Variants in NMU observed in about 807,000 individuals in gnomAD.
NMU encodes neuromedin U, also known as neuromedin-U.
A neutral mutation model predicts 35.4 loss-of-function variants in NMU; 29 were observed. The observed-to-expected ratio is 0.82, with a 90% CI of 0.61 to 1.12. The LOEUF is 1.12. Among genes scored for constraint, NMU ranks in the 50% most tolerant of loss-of-function variants. The pLI is 0.00. For synonymous variants in NMU, 78 were observed against 81.3 expected (o/e 0.96, Z 0.22); for missense variants, 199 against 206.2 (o/e 0.97, Z 0.21).
intron 1 of NMU, among the ~76,000 whole-genome samples, chr4:55,633,666 T>C (rs954873483): frequency 2.6e-5 from 4 of 152,254 alleles, no homozygotes; most frequent in African/African-American, 9.6e-5. Flanking sequence ...AAGTACATTA[T>C]GTATAAGAAA....
chr4:55,636,034 G>A lies in NMU; in HGVS notation c.112+47C>T. 1 of 1,532,932 alleles carries A rather than the reference G, an allele frequency of 6.5e-7. No individual in the cohort carries two copies. Among genetic ancestry groups the A allele is most frequent in the South Asian group, 1.2e-5 (1 of 83,936 alleles). The allele number at this position is 1,532,932 out of a possible 1,614,324, so 95.0% of individuals were successfully genotyped here. A position where few individuals can be genotyped will look rare whatever the true frequency, so the allele number is the denominator to read the frequency against. ...GAGGAGAGCGGTGAGTGGAGCCAGA[G>A]AGAGGCGCGCATGGCGTGGAAGCGG... On this transcript the variant is annotated intron_variant, in intron 1 of 9. Transcript: ENST00000264218. This position sits in a 1 kb window ranked among gnomAD's most constrained non-coding sequence, Gnocchi z 4.0.
chr4:55,631,865 CAT>C (rs35052276), intron 1 of NMU, among the ~76,000 whole-genome samples: 69,109 of 151,938 alleles, frequency 0.45, 15,862 homozygotes, highest in South Asian at 0.49. Context: ...CATGCACACA[CAT>C]GTTTATAGCA....
intron 1 of NMU, among the ~76,000 whole-genome samples, chr4:55,631,655 CA>C (rs1252911310): frequency 6.6e-6 from 1 of 151,984 alleles, no homozygotes; most frequent in African/African-American, 2.4e-5. Flanking sequence ...ATTAAAAAGT[CA>C]AAAAACAATA....
chr4:55,635,367 T>A (rs1488937), intron 1 of NMU, among the ~76,000 whole-genome samples: 62,189 of 152,098 alleles, frequency 0.41, 13,215 homozygotes, highest in African/African-American at 0.53. Context: ...AAGCTCAGCA[T>A]GTCCCTATTG....
chr4:55,597,389 C>CA, intron 9 of NMU, among the ~76,000 whole-genome samples: 1 of 148,576 alleles, frequency 6.7e-6, no homozygotes, highest in Non-Finnish European at 1.5e-5. Context: ...GCATAGTTTC[C>CA]TTTTTTTTTG....
intron 7 of NMU, among the ~76,000 whole-genome samples, chr4:55,603,457 T>C (rs1213649655): frequency 6.6e-6 from 1 of 152,090 alleles, no homozygotes; most frequent in Non-Finnish European, 1.5e-5. Flanking sequence ...CTCTTACTAA[T>C]ACGATCTGGG....
At chr4:55,619,597 C>A (rs1054068206) in intron 2 of NMU, among the ~76,000 whole-genome samples, 1 of 132,910 alleles carries the variant, frequency 7.5e-6, no homozygotes, top group Non-Finnish European at 1.6e-5. Flanking sequence ...GAGGGGCGCC[C>A]GCCATTGCCC....
At chr4:55,631,168 A>G (rs1560527470) in intron 1 of NMU, among the ~76,000 whole-genome samples, 2 of 152,182 alleles carry the variant, frequency 1.3e-5, no homozygotes, top group Admixed American at 6.5e-5. Context: ...CACCTTAAAA[A>G]TCAACTCAAG....
intron 2 of NMU, among the ~76,000 whole-genome samples, chr4:55,628,059 C>A (rs549711750): frequency 4.4e-4 from 67 of 152,280 alleles, no homozygotes; most frequent in African/African-American, 1.6e-3. Flanking sequence ...TCCTTCAGTG[C>A]TTATCATATT....
At chr4:55,609,022 G>T in intron 4 of NMU, 98 bp downstream of exon 4, 1 of 960,462 alleles carries the variant, frequency 1.0e-6, no homozygotes. Context: ...AACCTGTCTT[G>T]GCATGCTTCC....
intron 7 of NMU, among the ~76,000 whole-genome samples, chr4:55,601,726 C>A (rs2110182951): frequency 6.6e-6 from 1 of 152,188 alleles, no homozygotes; most frequent in African/African-American, 2.4e-5. Context: ...GTGGCTCATG[C>A]CTGTAATCTG....
intron 2 of NMU, among the ~76,000 whole-genome samples, chr4:55,618,198 ATTAT>A (rs1734183163): frequency 6.6e-6 from 1 of 152,086 alleles, no homozygotes. Context: ...TGTAATTATT[ATTAT>A]TTATTTATTT....
intron 2 of NMU, among the ~76,000 whole-genome samples, chr4:55,616,796 A>G (rs1481396753): frequency 1.3e-5 from 2 of 152,232 alleles, no homozygotes; most frequent in Non-Finnish European, 2.9e-5. Context: ...CTAAATTAAC[A>G]TAATAACAGC....
At chr4:55,605,923 G>A (rs929278039) in intron 6 of NMU, among the ~76,000 whole-genome samples, 3 of 152,188 alleles carry the variant, frequency 2.0e-5, no homozygotes, top group Non-Finnish European at 4.4e-5. Context: ...AAGGTGTCAA[G>A]CCAAAGAAAT....
chr4:55,610,923 C>T lies in NMU; in HGVS notation c.220-1744G>A, dbSNP rs538892569. ...ATGCTTGTGTCTTCATTTTTAACAACAAAGTTTAAAAAGTCAAAAAAATTC... is the reference window on the plus strand; with the variant it reads ...ATGCTTGTGTCTTCATTTTTAACAATAAAGTTTAAAAAGTCAAAAAAATTC... On this transcript the variant is annotated intron_variant, in intron 3 of 9. Coordinates refer to ENST00000264218, the MANE Select transcript of NMU (RefSeq NM_006681.4). Among the ~76,000 whole-genome samples, 166 of 152,080 alleles carry T rather than the reference C, an allele frequency of 1.1e-3. 1 individual carries two copies. The highest frequency in any genetic ancestry group is 3.8e-3 in the African/African-American group (158 of 41,470).
At chr4:55,632,368 A>G (rs1715650084) in intron 1 of NMU, among the ~76,000 whole-genome samples, 1 of 152,214 alleles carries the variant, frequency 6.6e-6, no homozygotes, top group African/African-American at 2.4e-5. Flanking sequence ...TCTAATAACA[A>G]CAATAATAAT....
chr4:55,634,273 C>A (rs1715780563), intron 1 of NMU, among the ~76,000 whole-genome samples: 1 of 152,030 alleles, frequency 6.6e-6, no homozygotes, highest in Non-Finnish European at 1.5e-5. Context: ...CTTCCTACCA[C>A]ATTTTTAAAG....
chr4:55,625,758 T>C (rs1157162644), intron 2 of NMU, among the ~76,000 whole-genome samples: 2 of 152,062 alleles, frequency 1.3e-5, no homozygotes, highest in Admixed American at 6.6e-5. Context: ...ATTGTTGTTT[T>C]GTGTGCATGT....
chr4:55,596,072 T>C (rs1333122654), intron 9 of NMU, among the ~76,000 whole-genome samples: 1 of 152,196 alleles, frequency 6.6e-6, no homozygotes, highest in African/African-American at 2.4e-5. Flanking sequence ...TTAATACCAA[T>C]AAGATTTATG....
Sources: gnomAD v4.1 joint callset for allele counts (sites outside exome capture counted in the v4.1 genomes callset) on GRCh38, gnomAD v4.1.1 for gene constraint, Gnocchi (gnomAD v3.1) non-coding constraint, MANE v1.5 for transcripts, NCBI Gene and HGNC (gene_info 2026-07-23, HGNC 2026-07-21) for gene names.